Variants in SLC25A17 observed in about 807,000 individuals in gnomAD.
The protein encoded by SLC25A17 is solute carrier family 25 member 17.
In SLC25A17, 26 loss-of-function variants were observed where a neutral mutation model predicts 38.5. The observed-to-expected ratio is 0.68, with a 90% CI of 0.50 to 0.94. The LOEUF (loss-of-function observed/expected upper bound fraction) is 0.94. SLC25A17 is among the 40% of genes least tolerant of loss of function. The probability of loss-of-function intolerance (pLI) is 0.00; values close to 1 mark genes in which losing one functional copy is unlikely to be tolerated. For synonymous variants in SLC25A17, 139 were observed against 136.2 expected, an observed-to-expected ratio of 1.02 and a Z score of -0.14; for missense variants, 333 against 372.7, an observed-to-expected ratio of 0.89 and a Z score of 0.88.
At chr22:40,799,363 C>CTTT (rs566690843) in intron 1 of SLC25A17, among the ~76,000 whole-genome samples, 2 of 135,150 alleles carry the variant, frequency 1.5e-5, no homozygotes, top group Admixed American at 7.5e-5. Context: ...GGAGTCACAA[C>CTTT]TTTTTTTTTT....
intron 8 of SLC25A17, among the ~76,000 whole-genome samples, chr22:40,772,337 C>T (rs2057192198): frequency 6.6e-6 from 1 of 152,196 alleles, no homozygotes; most frequent in Admixed American, 6.5e-5. Context: ...GAAGGTCTCA[C>T]TCTGTTGCTC....
At chr22:40,793,319 G>A (rs1011493155) in intron 3 of SLC25A17, among the ~76,000 whole-genome samples, 7 of 152,202 alleles carry the variant, frequency 4.6e-5, no homozygotes, top group African/African-American at 1.4e-4. Flanking sequence ...TTGCAACTTC[G>A]TGGTAAATTT....
At chr22:40,778,539 G>A (rs925028985) in intron 5 of SLC25A17, among the ~76,000 whole-genome samples, 1 of 152,200 alleles carries the variant, frequency 6.6e-6, no homozygotes, top group African/African-American at 2.4e-5. Context: ...GATGGATGCC[G>A]AGATTTGAGG....
Position 40,815,409 on chromosome 22 carries a change from A to T in SLC25A17, c.54+3786T>A, listed in dbSNP as rs148056220. Among the ~76,000 whole-genome samples the T allele has an allele frequency of 1.2e-3, 186 of 152,312 alleles. 1 individual carries two copies. The highest frequency in any genetic ancestry group is 4.4e-3 in the African/African-American group (182 of 41,558). On this transcript the variant is annotated intron_variant, in intron 1 of 8. Coordinates refer to ENST00000435456, the MANE Select transcript of SLC25A17 (RefSeq NM_006358.4). ...CTCTGAGACCAGCAGAATGTAGAAA[A>T]CACGAGTACAACTGTAATTGGAAAA...
chr22:40,785,911 T>G (rs2057334021), intron 4 of SLC25A17, among the ~76,000 whole-genome samples: 1 of 152,070 alleles, frequency 6.6e-6, no homozygotes, highest in Admixed American at 6.6e-5. Flanking sequence ...CTGGGATTAT[T>G]GACATGAGCC....
intron 1 of SLC25A17, among the ~76,000 whole-genome samples, chr22:40,801,161 A>ATATATG: frequency 7.4e-6 from 1 of 135,782 alleles, no homozygotes; most frequent in African/African-American, 2.7e-5. Context: ...ATATATATAT[A>ATATATG]TATATATGTA....
intron 4 of SLC25A17, chr22:40,780,262 T>C (rs2057282611): frequency 6.6e-6 from 1 of 152,234 alleles, no homozygotes; most frequent in Non-Finnish European, 1.5e-5. Context: ...TAAAGATATT[T>C]TGCTGCCTAT....
rs114553794 is a variant in SLC25A17 at position 40,772,730 on chromosome 22, G to A, written c.776+1207C>T. ...TAGCTCAGTACAGCCTCAATCTGCC[G>A]GGCTCAAGTGAATCTCCTGCTTCAG... is the stretch of plus-strand genomic sequence containing the variant. On this transcript the variant is annotated intron_variant, in intron 8 of 8. Coordinates refer to ENST00000435456, the MANE Select transcript of SLC25A17 (RefSeq NM_006358.4). Among the ~76,000 whole-genome samples, 402 of 151,824 alleles carry A rather than the reference G, an allele frequency of 2.6e-3. 4 individuals are homozygous for A. In the East Asian group the frequency reaches 0.03, roughly 11 times the overall value.
At chr22:40,809,338 A>G (rs576245452) in intron 1 of SLC25A17, among the ~76,000 whole-genome samples, 173 of 151,998 alleles carry the variant, frequency 1.1e-3, no homozygotes, top group African/African-American at 4.1e-3. Context: ...AAAAAAACAA[A>G]CAAACAAAAA....
At chr22:40,790,816 T>C (rs868045210) in intron 4 of SLC25A17, among the ~76,000 whole-genome samples, 1 of 152,210 alleles carries the variant, frequency 6.6e-6, no homozygotes, top group Non-Finnish European at 1.5e-5. Flanking sequence ...CAAATACATA[T>C]AAACTAATCT....
At chr22:40,794,286 A>C (rs2057408630) in intron 3 of SLC25A17, among the ~76,000 whole-genome samples, 1 of 152,246 alleles carries the variant, frequency 6.6e-6, no homozygotes, top group African/African-American at 2.4e-5. Context: ...ATGATCAAGA[A>C]TCAAATGGCT....
chr22:40,795,135 T>C (rs1049971550), intron 2 of SLC25A17, among the ~76,000 whole-genome samples: 1 of 152,182 alleles, frequency 6.6e-6, no homozygotes, highest in Non-Finnish European at 1.5e-5. Flanking sequence ...ACCTCACCTT[T>C]GAGCTCCCTA....
Position 40,804,598 on chromosome 22 carries a change from G to A in SLC25A17, c.55-5515C>T, listed in dbSNP as rs553110021. On this transcript the variant is annotated intron_variant, in intron 1 of 8. Coordinates refer to ENST00000435456, the MANE Select transcript of SLC25A17 (RefSeq NM_006358.4). ...TTGTTTGTTTTTGCTATTGAGTTGT[G>A]TGAGTTGCTTGTATATTCTGGATAT... Among the ~76,000 whole-genome samples, 6 of 152,226 alleles carry A rather than the reference G, an allele frequency of 3.9e-5. No individual in the cohort carries two copies. In the South Asian group the frequency reaches 1.2e-3, roughly 32 times the overall value.
At chr22:40,813,657 G>A (rs1476192304) in intron 1 of SLC25A17, among the ~76,000 whole-genome samples, 2 of 152,196 alleles carry the variant, frequency 1.3e-5, no homozygotes, top group Non-Finnish European at 2.9e-5. Context: ...CCAGGAGGCG[G>A]AGCTTGCAGT....
At chr22:40,811,275 GA>G (rs1422744533) in intron 1 of SLC25A17, among the ~76,000 whole-genome samples, 1 of 146,762 alleles carries the variant, frequency 6.8e-6, no homozygotes, top group Non-Finnish European at 1.5e-5. Context: ...TTTTTTAGTA[GA>G]GATGCGGTTT....
chr22:40,779,203 C>T (rs750562910), intron 4 of SLC25A17, 78 bp from the exon 5 acceptor site: 1 of 1,606,962 alleles, frequency 6.2e-7, no homozygotes. Flanking sequence ...AGCTACATAC[C>T]AATATTCCAT....
At chr22:40,774,855 T>C (rs1232240157) in intron 7 of SLC25A17, among the ~76,000 whole-genome samples, 1 of 152,186 alleles carries the variant, frequency 6.6e-6, no homozygotes, top group Non-Finnish European at 1.5e-5. Flanking sequence ...ACTGGAATAT[T>C]CTCACTACCA....
chr22:40,771,866 G>A (rs1046458809), intron 8 of SLC25A17, among the ~76,000 whole-genome samples: 3 of 152,130 alleles, frequency 2.0e-5, no homozygotes, highest in Admixed American at 6.5e-5. Context: ...TAATAGGACT[G>A]TTTGTAACAA....
intron 4 of SLC25A17, 158 bp from the exon 5 acceptor site, chr22:40,779,283 A>T: frequency 6.7e-7 from 1 of 1,495,236 alleles, no homozygotes; most frequent in Non-Finnish European, 8.9e-7. Flanking sequence ...GTACAACACA[A>T]GCCACTACTG....
Sources: allele counts gnomAD v4.1 joint callset (sites outside exome capture counted in the v4.1 genomes callset), GRCh38; gene constraint gnomAD v4.1.1; transcripts MANE v1.5; gene names NCBI Gene and HGNC (gene_info 2026-07-23, HGNC 2026-07-21).